The following ARNT variants were observed in gnomAD, a reference collection of about 807,000 sequenced individuals.
The protein encoded by ARNT is class E basic helix-loop-helix protein 2.
ARNT carries 30 observed loss-of-function variants against 105.0 expected under a neutral mutation model. That is an observed-to-expected ratio of 0.29 (90% confidence interval 0.21 to 0.39). The LOEUF is 0.39. ARNT is among the 10% of genes least tolerant of loss of function. The pLI is 1.00. For synonymous variants in ARNT, 304 were observed against 344.0 expected, an observed-to-expected ratio of 0.88 and a Z score of 1.29; for missense variants, 748 against 978.7, an observed-to-expected ratio of 0.76 and a Z score of 3.15.
intron 2 of ARNT, among the ~76,000 whole-genome samples, chr1:150,856,811 T>C (rs1473501245): frequency 6.6e-6 from 1 of 150,790 alleles, no homozygotes; most frequent in Non-Finnish European, 1.5e-5. Flanking sequence ...AGACTTCTTT[T>C]AGGACAGGTG....
rs142550962 is a variant in ARNT, at chr1:150,829,032, A to G, written c.1167+61T>C. ...TTTTGGCTGTCTTAGGAACTACATG[A>G]TTACATAATGTCAACATAGCCAAAG... On this transcript the variant is annotated intron_variant, in intron 12 of 21. Transcript: ENST00000358595. The G allele has an allele frequency of 1.8e-5, 29 of 1,588,082 alleles. No homozygotes were observed. In the East Asian group the frequency reaches 6.5e-4, roughly 36 times the overall value.
chr1:150,866,673 ATATG>A (rs1288235660), intron 1 of ARNT, among the ~76,000 whole-genome samples: 1 of 151,458 alleles, frequency 6.6e-6, no homozygotes, highest in Non-Finnish European at 1.5e-5. Flanking sequence ...TAACTTTTAT[ATATG>A]TATGTATACA....
chr1:150,812,786 A>C (rs1256112148), intron 21 of ARNT: 1 of 159,860 alleles, frequency 6.3e-6, no homozygotes, highest in Non-Finnish European at 1.4e-5. Context: ...AGCTAAAGTA[A>C]CTTTCTTTGG....
chr1:150,816,822 A>T lies in ARNT; in HGVS notation c.1768T>A (p.Phe590Ile), dbSNP rs1302727031. The T allele has an allele frequency of 3.8e-6, 6 of 1,588,284 alleles. No individual in the cohort carries two copies. In the African/African-American group the frequency reaches 8.2e-5, roughly 22 times the overall value. Reference protein sequence around the residue: ...TQQLFSQGNTFPPTPRPAENF... With the variant: ...TQQLFSQGNTIPPTPRPAENF... ...TCTGCCGGCCGGGGGGTAGGAGGGA[A>T]TGTGTTGCCCTGGGAGAATAGCTGT... is the stretch of plus-strand genomic sequence containing the variant. The change falls in exon 18 of 22, where the codon TTC becomes ATC. Residue 590 changes from phenylalanine (F) to isoleucine (I), a missense_variant. By Grantham distance (21) the Phe-to-Ile change is conservative. Coordinates refer to ENST00000358595, the MANE Select transcript of ARNT (RefSeq NM_001668.4).
intron 1 of ARNT, among the ~76,000 whole-genome samples, chr1:150,871,207 T>A (rs1424634821): frequency 6.6e-6 from 1 of 151,788 alleles, no homozygotes; most frequent in Non-Finnish European, 1.5e-5. Context: ...TCCTTAAGTG[T>A]AAAATGATAG....
intron 2 of ARNT, among the ~76,000 whole-genome samples, chr1:150,855,248 C>T (rs587697277): frequency 7.2e-5 from 11 of 152,260 alleles, no homozygotes; most frequent in South Asian, 2.1e-4. Context: ...CATCCTTTCA[C>T]GCAACCATTA....
At chr1:150,871,962 C>CT (rs1181616883) in intron 1 of ARNT, among the ~76,000 whole-genome samples, 7 of 137,184 alleles carry the variant, frequency 5.1e-5, no homozygotes, top group Admixed American at 2.9e-4. Context: ...AATACTATCT[C>CT]TTTTTTTGTT....
At chr1:150,825,529 A>G (rs969226078) in intron 13 of ARNT, among the ~76,000 whole-genome samples, 17 of 152,262 alleles carry the variant, frequency 1.1e-4, no homozygotes, top group African/African-American at 4.1e-4. Context: ...AGCTTATATA[A>G]TTCATTACGA....
chr1:150,860,648 C>A (rs977050751), intron 1 of ARNT, among the ~76,000 whole-genome samples: 4 of 151,742 alleles, frequency 2.6e-5, no homozygotes, highest in Non-Finnish European at 5.9e-5. Context: ...CTGAGGTCAG[C>A]AGTTCGAGAC....
At chr1:150,815,305 T>C (rs1655594213) in intron 19 of ARNT, among the ~76,000 whole-genome samples, 1 of 152,056 alleles carries the variant, frequency 6.6e-6, no homozygotes, top group African/African-American at 2.4e-5. Context: ...TCCCAGCACT[T>C]TGGGAGGCCG....
intron 21 of ARNT, 75 bp from the exon 22 acceptor site, chr1:150,812,185 C>G: frequency 9.2e-7 from 1 of 1,085,474 alleles, no homozygotes; most frequent in Non-Finnish European, 1.3e-6. Context: ...CTCCACCATT[C>G]CCCTGCACTA....
At chr1:150,843,955 C>T (rs945194852) in intron 4 of ARNT, among the ~76,000 whole-genome samples, 8 of 152,158 alleles carry the variant, frequency 5.3e-5, no homozygotes. Flanking sequence ...TACTACAGAT[C>T]CACAATCCCT....
At chr1:150,866,581 TATA>T (rs1386519560) in intron 1 of ARNT, among the ~76,000 whole-genome samples, 3 of 152,200 alleles carry the variant, frequency 2.0e-5, no homozygotes, top group Non-Finnish European at 2.9e-5. Context: ...AGGACTCCCT[TATA>T]ATTTTTTTGT....
At chr1:150,835,501 G>T (rs1351560969) in intron 7 of ARNT, among the ~76,000 whole-genome samples, 2 of 152,126 alleles carry the variant, frequency 1.3e-5, no homozygotes, top group Non-Finnish European at 2.9e-5. Context: ...TCAAGAAGCT[G>T]TAAGCAGGCA....
chr1:150,849,159 T>C (rs1006186450), intron 3 of ARNT, among the ~76,000 whole-genome samples: 1 of 151,774 alleles, frequency 6.6e-6, no homozygotes, highest in Non-Finnish European at 1.5e-5. Flanking sequence ...GCCGAGATCA[T>C]ACCATTGCAC....
intron 2 of ARNT, among the ~76,000 whole-genome samples, chr1:150,857,296 T>C (rs1053990865): frequency 6.6e-6 from 1 of 152,234 alleles, no homozygotes; most frequent in African/African-American, 2.4e-5. Context: ...ATATTTATAA[T>C]ACTTTTGTTT....
intron 6 of ARNT, 131 bp downstream of exon 6, chr1:150,839,310 G>T: frequency 1.2e-6 from 1 of 804,422 alleles, no homozygotes; most frequent in Non-Finnish European, 2.0e-6. Flanking sequence ...TAATGTTATA[G>T]CCAAGGATTG....
intron 3 of ARNT, 56 bp downstream of exon 3, chr1:150,852,706 G>T (rs1223942521): frequency 1.9e-5 from 28 of 1,509,324 alleles, no homozygotes; most frequent in Non-Finnish European, 2.4e-5. Context: ...GAAGTATAAA[G>T]ATCATAAACT....
At chr1:150,817,837 C>T in intron 15 of ARNT, 83 bp downstream of exon 15, 2 of 1,106,506 alleles carry the variant, frequency 1.8e-6, no homozygotes, top group Admixed American at 2.8e-5. Context: ...AAAAATTAAC[C>T]AACCGAACAA....
Sources: gnomAD v4.1 joint callset for allele counts (sites outside exome capture counted in the v4.1 genomes callset) on GRCh38, gnomAD v4.1.1 for gene constraint, MANE v1.5 for transcripts, NCBI Gene and HGNC (gene_info 2026-07-23, HGNC 2026-07-21) for gene names.